Variants in CAMK4 observed in about 807,000 individuals in gnomAD.
CAMK4 encodes calcium/calmodulin dependent protein kinase IV, also known as calcium/calmodulin-dependent protein kinase type IV.
A neutral mutation model predicts 44.9 loss-of-function variants in CAMK4; 22 were observed. That is an observed-to-expected ratio of 0.49 (90% CI 0.35 to 0.70). CAMK4 has a LOEUF of 0.70. CAMK4 is among the 30% of genes least tolerant of loss of function. The pLI is 0.01. For synonymous variants in CAMK4, 218 were observed against 215.4 expected (o/e 1.01, Z -0.11); for missense variants, 498 against 586.8 (o/e 0.85, Z 1.56).
At chr5:111,441,736 C>T (rs1055422334) in intron 5 of CAMK4, among the ~76,000 whole-genome samples, 1 of 152,108 alleles carries the variant, frequency 6.6e-6, no homozygotes, top group Non-Finnish European at 1.5e-5. Context: ...TTTATTCTTT[C>T]TAGTGCATTT....
intron 5 of CAMK4, among the ~76,000 whole-genome samples, chr5:111,400,705 G>C (rs1451983011): frequency 1.3e-5 from 2 of 152,090 alleles, no homozygotes; most frequent in African/African-American, 4.8e-5. Context: ...CTTTGGATTT[G>C]AATTCATTCA....
intron 7 of CAMK4, among the ~76,000 whole-genome samples, chr5:111,468,362 G>A (rs747185162): frequency 5.9e-5 from 9 of 152,126 alleles, no homozygotes; most frequent in African/African-American, 1.7e-4. Flanking sequence ...ATACCTTAAA[G>A]TGATTTTCTT....
intron 9 of CAMK4, among the ~76,000 whole-genome samples, chr5:111,480,795 A>C (rs31321): frequency 0.62 from 93,884 of 151,992 alleles, 29,190 homozygotes; most frequent in African/African-American, 0.64. Flanking sequence ...AATAATAGTA[A>C]TCTTATTTAG....
intron 7 of CAMK4, among the ~76,000 whole-genome samples, chr5:111,454,540 C>G (rs1221489833): frequency 6.7e-6 from 1 of 149,432 alleles, no homozygotes; most frequent in East Asian, 2.0e-4. Context: ...ATTTATGGTC[C>G]AGATAAGTGA....
intron 2 of CAMK4, among the ~76,000 whole-genome samples, chr5:111,353,671 G>T (rs1203880309): frequency 6.6e-6 from 1 of 151,996 alleles, no homozygotes; most frequent in Non-Finnish European, 1.5e-5. Flanking sequence ...ATATATAAAT[G>T]AGGTACAAAA....
chr5:111,234,219 T>A lies in CAMK4; in HGVS notation c.161+9575T>A, dbSNP rs556642051. 1.4e-4 allele frequency among the ~76,000 whole-genome samples: 22 copies of A among 152,262 alleles called. No individual in the cohort carries two copies. In the East Asian group the frequency reaches 2.9e-3, roughly 20 times the overall value. ...ATGAAAAGTGAGTTTAAAGCAAATA[T>A]ACAGATAAATATGCAAACAAAAAAT... is the stretch of plus-strand genomic sequence containing the variant. On this transcript the variant is annotated intron_variant, in intron 1 of 10. Coordinates refer to ENST00000282356, the MANE Select transcript of CAMK4 (RefSeq NM_001744.6).
At chr5:111,301,573 G>A (rs1300950547) in intron 1 of CAMK4, among the ~76,000 whole-genome samples, 1 of 152,080 alleles carries the variant, frequency 6.6e-6, no homozygotes, top group East Asian at 1.9e-4. Context: ...AATATAGATA[G>A]GAAGGTGAAT....
chr5:111,261,895 TGCTTA>T (rs1328628449), intron 1 of CAMK4, among the ~76,000 whole-genome samples: 1 of 152,112 alleles, frequency 6.6e-6, no homozygotes, highest in African/African-American at 2.4e-5. Context: ...CCTCTTTACA[TGCTTA>T]GCCATTGTCC....
chr5:111,398,836 C>T (rs769411135), intron 5 of CAMK4, among the ~76,000 whole-genome samples: 3 of 152,130 alleles, frequency 2.0e-5, no homozygotes, highest in Admixed American at 6.6e-5. Context: ...ATTCACCTCA[C>T]GTCCAAATAA....
At chr5:111,363,661 A>G (rs1305284624) in intron 2 of CAMK4, among the ~76,000 whole-genome samples, 1 of 152,046 alleles carries the variant, frequency 6.6e-6, no homozygotes, top group Admixed American at 6.6e-5. Flanking sequence ...AAAGGCCTCT[A>G]GGTGACTCTC....
intron 1 of CAMK4, among the ~76,000 whole-genome samples, chr5:111,230,181 C>A (rs913745011): frequency 1.9e-4 from 29 of 152,178 alleles, no homozygotes; most frequent in Admixed American, 1.6e-3. Flanking sequence ...TAATCTCAAT[C>A]AGCATTGGTT....
intron 1 of CAMK4, among the ~76,000 whole-genome samples, chr5:111,277,042 A>AC (rs1239404251): frequency 6.6e-6 from 1 of 152,204 alleles, no homozygotes; most frequent in Non-Finnish European, 1.5e-5. Flanking sequence ...CACTTGACTG[A>AC]ATTTCCATTT....
Position 111,393,305 on chromosome 5 carries a change from G to A in CAMK4, c.387-1405G>A, listed in dbSNP as rs576354783. 4.6e-5 allele frequency among the ~76,000 whole-genome samples: 7 copies of A among 152,226 alleles called. No individual in the cohort carries two copies. In the South Asian group the frequency reaches 1.0e-3, roughly 23 times the overall value. ...AACGTATTTGCTAAAAATTCAACCTGAGTCTAATCAAGACCCTAATGCTAT... is the reference window on the plus strand; with the variant it reads ...AACGTATTTGCTAAAAATTCAACCTAAGTCTAATCAAGACCCTAATGCTAT... On this transcript the variant is annotated intron_variant, in intron 4 of 10. Transcript: ENST00000282356.
chr5:111,442,720 A>G (rs1410325503), intron 5 of CAMK4, among the ~76,000 whole-genome samples: 1 of 148,754 alleles, frequency 6.7e-6, no homozygotes, highest in Non-Finnish European at 1.5e-5. Flanking sequence ...TAGAAAATAC[A>G]GTTATTTTTA....
chr5:111,385,552 A>AAT (rs111512717), intron 4 of CAMK4, among the ~76,000 whole-genome samples: 3,308 of 151,450 alleles, frequency 0.022, 48 homozygotes, highest in African/African-American at 0.033. Flanking sequence ...GCTCCTGAGC[A>AAT]ATATATATAT....
chr5:111,358,477 T>C (rs1017732954), intron 2 of CAMK4, among the ~76,000 whole-genome samples: 9 of 152,008 alleles, frequency 5.9e-5, no homozygotes, highest in African/African-American at 2.2e-4. Context: ...GAGTATCAGA[T>C]GGATAGTTAT....
At chr5:111,256,986 A>G (rs897798304) in intron 1 of CAMK4, among the ~76,000 whole-genome samples, 1 of 152,208 alleles carries the variant, frequency 6.6e-6, no homozygotes, top group East Asian at 1.9e-4. Flanking sequence ...TTTACACCTT[A>G]TACAAAAATT....
At chr5:111,420,359 T>C (rs1178528232) in intron 5 of CAMK4, among the ~76,000 whole-genome samples, 1 of 152,108 alleles carries the variant, frequency 6.6e-6, no homozygotes, top group East Asian at 1.9e-4. Flanking sequence ...TGGGGTTTTC[T>C]AGATATACAA....
At chr5:111,402,934 T>C (rs1561465162) in intron 5 of CAMK4, among the ~76,000 whole-genome samples, 1 of 152,166 alleles carries the variant, frequency 6.6e-6, no homozygotes, top group Admixed American at 6.6e-5. Flanking sequence ...ATAAATACAG[T>C]TTCTCAATGT....
Sources: gnomAD v4.1 joint callset for allele counts (sites outside exome capture counted in the v4.1 genomes callset) on GRCh38, gnomAD v4.1.1 for gene constraint, MANE v1.5 for transcripts, NCBI Gene and HGNC (gene_info 2026-07-23, HGNC 2026-07-21) for gene names.